MID1: variants seen among roughly 807,000 people sequenced by gnomAD.
MID1 encodes the protein E3 ubiquitin-protein ligase Midline-1.
Under a neutral mutation model 40.4 loss-of-function variants are expected in MID1, and 7 were observed. The ratio of observed to expected loss-of-function variants is 0.17; its 90% CI spans 0.10 to 0.33. The LOEUF (loss-of-function observed/expected upper bound fraction) is 0.33, where lower values mean the gene tolerates loss of function less well. Among genes scored for constraint, MID1 ranks in the 10% least tolerant of loss-of-function variants. The pLI, the probability that MID1 is intolerant of heterozygous loss-of-function variation, is 1.00. For missense variants in MID1, 367 were observed against 558.5 expected (o/e 0.66, Z 3.46); for synonymous variants, 229 against 221.2 (o/e 1.04, Z -0.31).
intron 1 of MID1, among the ~76,000 whole-genome samples, chrX:10,801,056 T>C (rs1227253538): frequency 1.8e-5 from 2 of 110,848 alleles, no homozygotes; most frequent in Non-Finnish European, 3.8e-5. Flanking sequence ...GTTTCTATTT[T>C]TACAGAGCTT....
chrX:10,776,984 T>C (rs138611248), intron 1 of MID1, among the ~76,000 whole-genome samples: 218 of 111,148 alleles, frequency 2.0e-3, no homozygotes, highest in African/African-American at 6.8e-3. Context: ...GATGGAAAGG[T>C]ACGTGATTCC....
chrX:10,554,732 G>A (rs1400136078), intron 2 of MID1, among the ~76,000 whole-genome samples: 1 of 110,884 alleles, frequency 9.0e-6, no homozygotes, highest in Non-Finnish European at 1.9e-5. Context: ...TAAGTGAAGT[G>A]CATACGGCTT....
At chrX:10,709,834 A>G (rs1359643255) in intron 1 of MID1, among the ~76,000 whole-genome samples, 1 of 112,046 alleles carries the variant, frequency 8.9e-6, no homozygotes, top group Non-Finnish European at 1.9e-5. Context: ...CCCAGCTTTA[A>G]TTGCAATGAC....
intron 1 of MID1, among the ~76,000 whole-genome samples, chrX:10,757,620 T>C (rs1183681563): frequency 2.7e-5 from 3 of 112,357 alleles, no homozygotes; most frequent in African/African-American, 9.7e-5. Flanking sequence ...TGAAACTATC[T>C]CATTAGAAAA....
chrX:10,483,080 G>T (rs7059819), intron 4 of MID1, among the ~76,000 whole-genome samples: 7,025 of 111,999 alleles, frequency 0.063, 454 homozygotes, highest in African/African-American at 0.19. Context: ...TCTAAAAAGT[G>T]TTTTTTGTAA....
chrX:10,571,061 G>A (rs1934708259), intron 1 of MID1, among the ~76,000 whole-genome samples: 1 of 112,442 alleles, frequency 8.9e-6, no homozygotes. Flanking sequence ...TGGAAATTAT[G>A]TGACTCGAGT....
intron 1 of MID1, among the ~76,000 whole-genome samples, chrX:10,761,599 C>G (rs1211090578): frequency 8.9e-6 from 1 of 112,044 alleles, no homozygotes; most frequent in African/African-American, 3.2e-5. Context: ...TATGTGTTTT[C>G]ACTTGTTCTC....
At chrX:10,723,886 G>A (rs2043373842) in intron 1 of MID1, among the ~76,000 whole-genome samples, 1 of 112,350 alleles carries the variant, frequency 8.9e-6, no homozygotes, top group Admixed American at 9.4e-5. Context: ...ATCCGCAGCC[G>A]AAATATTTAA....
intron 1 of MID1, among the ~76,000 whole-genome samples, chrX:10,606,266 CTTATT>C (rs1415472121): frequency 9.1e-6 from 1 of 110,133 alleles, no homozygotes; most frequent in Non-Finnish European, 1.9e-5. Context: ...CTATTTTCAC[CTTATT>C]TTAATTCTAA....
At chrX:10,653,527 C>T (rs1366341463) in intron 1 of MID1, among the ~76,000 whole-genome samples, 1 of 112,543 alleles carries the variant, frequency 8.9e-6, no homozygotes, top group Non-Finnish European at 1.9e-5. Flanking sequence ...AAAACATCTG[C>T]TCTTAATAAT....
chrX:10,445,585 G>T lies in MID1; in HGVS notation c.*3783C>A, dbSNP rs1928000853. On this transcript the variant is annotated 3_prime_UTR_variant, in exon 10 of 10. Coordinates refer to ENST00000317552, the MANE Select transcript of MID1 (RefSeq NM_000381.4). ...GGTGCCACAAAAATGATTTTATTTTGAACCAGAAAGGAACAGCAATCAAGA... is the reference window on the plus strand; with the variant it reads ...GGTGCCACAAAAATGATTTTATTTTTAACCAGAAAGGAACAGCAATCAAGA... 8.9e-6 allele frequency: 1 copy of T among 111,819 alleles called. No homozygotes were observed. 9.2% of individuals were successfully genotyped at this position (111,819 alleles called of 1,213,427 possible).
At chrX:10,526,068 G>A (rs1932823997) in intron 2 of MID1, among the ~76,000 whole-genome samples, 1 of 112,160 alleles carries the variant, frequency 8.9e-6, no homozygotes, top group Admixed American at 9.5e-5. Context: ...AACTTCAGAG[G>A]AAGGCTTTGT....
chrX:10,563,732 T>C (rs1231258445), intron 2 of MID1, among the ~76,000 whole-genome samples: 1 of 112,192 alleles, frequency 8.9e-6, no homozygotes. Flanking sequence ...CAATGCATAG[T>C]CTCCGAAAGC....
At chrX:10,791,158 A>G (rs1299990097) in intron 1 of MID1, among the ~76,000 whole-genome samples, 1 of 112,743 alleles carries the variant, frequency 8.9e-6, no homozygotes, top group Non-Finnish European at 1.9e-5. Context: ...GCAGGCATTC[A>G]ACTGACATTT....
intron 7 of MID1, among the ~76,000 whole-genome samples, chrX:10,461,411 C>CAATT (rs1303569861): frequency 1.8e-5 from 2 of 110,880 alleles, no homozygotes; most frequent in African/African-American, 6.6e-5. Flanking sequence ...GTTTTCCTAC[C>CAATT]AATTCTCATT....
chrX:10,506,429 G>A, intron 3 of MID1: 3 of 784,565 alleles, frequency 3.8e-6, no homozygotes, highest in Non-Finnish European at 5.6e-6. Flanking sequence ...GACCACCTTG[G>A]GCAACTGGAG....
intron 1 of MID1, among the ~76,000 whole-genome samples, chrX:10,670,513 A>G (rs1245276320): frequency 1.8e-5 from 2 of 112,045 alleles, no homozygotes; most frequent in Non-Finnish European, 3.8e-5. Flanking sequence ...GTGATACTGA[A>G]ATCTTCACAC....
At chrX:10,746,284 T>G (rs917012857) in intron 1 of MID1, among the ~76,000 whole-genome samples, 1 of 111,567 alleles carries the variant, frequency 9.0e-6, no homozygotes, top group Non-Finnish European at 1.9e-5. Flanking sequence ...AGGGCTGTTG[T>G]ACTCCTCGAG....
chrX:10,803,370 TGA>T (rs2044022668), intron 1 of MID1, among the ~76,000 whole-genome samples: 1 of 104,457 alleles, frequency 9.6e-6, no homozygotes. Context: ...TTTTTTTTTT[TGA>T]GACAGAGTCT....
Sources: allele counts gnomAD v4.1 joint callset (sites outside exome capture counted in the v4.1 genomes callset), GRCh38; gene constraint gnomAD v4.1.1; transcripts MANE v1.5; gene names NCBI Gene and HGNC (gene_info 2026-07-23, HGNC 2026-07-21).